XPR1: variants seen among roughly 807,000 people sequenced by gnomAD.
The protein encoded by XPR1 is xenotropic and polytropic retrovirus receptor 1.
A neutral mutation model predicts 87.5 loss-of-function variants in XPR1; 28 were observed. That is an observed-to-expected ratio of 0.32 (90% confidence interval 0.24 to 0.44). The LOEUF is 0.44. Among genes scored for constraint, XPR1 ranks in the 20% least tolerant of loss-of-function variants. XPR1 has a pLI of 1.00. For synonymous variants in XPR1, 300 were observed against 306.1 expected, an observed-to-expected ratio of 0.98 and a Z score of 0.21; for missense variants, 559 against 862.3, an observed-to-expected ratio of 0.65 and a Z score of 4.41.
At position 180,887,322 on chromosome 1, in the gene XPR1, C is replaced by G. The variant is rs780079250; in HGVS notation, c.*3256C>G. 1 of 152,120 alleles carries G rather than the reference C, an allele frequency of 6.6e-6. No individual in the cohort carries two copies. The highest frequency in any genetic ancestry group is 1.5e-5 in the Non-Finnish European group (1 of 68,028). 9.4% of individuals were successfully genotyped at this position (152,120 alleles called of 1,614,324 possible). A position where few individuals can be genotyped will look rare whatever the true frequency, so the allele number is the denominator to read the frequency against. On this transcript the variant is annotated 3_prime_UTR_variant, in exon 15 of 15. Transcript: ENST00000367590. Reference sequence around the variant, plus strand: ...TTTTAATATCAATTAAAATAGTCCTCAAAGGAATGAAGAGGAAGTCTAAAT... The same window carrying G: ...TTTTAATATCAATTAAAATAGTCCTGAAAGGAATGAAGAGGAAGTCTAAAT...
In XPR1 at chr1:180,693,251, G is replaced by A. The variant is rs183746837; in HGVS notation, c.121+10840G>A. 2.6e-5 allele frequency among the ~76,000 whole-genome samples: 4 copies of A among 152,294 alleles called. No individual in the cohort carries two copies. The South Asian group carries it at 6.2e-4, about 24-fold the overall frequency. On this transcript the variant is annotated intron_variant, in intron 2 of 14. Transcript: ENST00000367590. ...CAAAGTAAGGGAAGTTCCTTTTTGAGTTGTTTTCATTTTCTTTAGGCAAGA... is the reference window on the plus strand; with the variant it reads ...CAAAGTAAGGGAAGTTCCTTTTTGAATTGTTTTCATTTTCTTTAGGCAAGA...
At chr1:180,735,851 A>G (rs1332789684) in intron 2 of XPR1, among the ~76,000 whole-genome samples, 1 of 152,060 alleles carries the variant, frequency 6.6e-6, no homozygotes, top group African/African-American at 2.4e-5. Flanking sequence ...CTTTACATGA[A>G]TCTCTTTTAT....
At chr1:180,833,244 G>A (rs906806917) in intron 9 of XPR1, among the ~76,000 whole-genome samples, 2 of 152,158 alleles carry the variant, frequency 1.3e-5, no homozygotes, top group African/African-American at 2.4e-5. Context: ...AAAGACCATC[G>A]ACAATTATGA....
intron 2 of XPR1, among the ~76,000 whole-genome samples, chr1:180,769,753 T>C (rs1397774452): frequency 7.9e-5 from 12 of 152,238 alleles, no homozygotes. Context: ...AGTGCAGATA[T>C]CTCTTCGATA....
intron 11 of XPR1, among the ~76,000 whole-genome samples, chr1:180,837,852 G>A (rs541901136): frequency 5.3e-5 from 8 of 152,104 alleles, no homozygotes; most frequent in African/African-American, 1.9e-4. Flanking sequence ...TTATAAATTG[G>A]GCAACTGATT....
chr1:180,824,979 G>A (rs780356931), intron 8 of XPR1, 36 bp downstream of exon 8: 10 of 1,598,360 alleles, frequency 6.3e-6, no homozygotes, highest in Non-Finnish European at 8.5e-6. Context: ...CATGAATATA[G>A]TTTGCATTAG....
intron 11 of XPR1, among the ~76,000 whole-genome samples, chr1:180,841,059 G>GTGTA (rs958899064): frequency 1.6e-4 from 24 of 152,262 alleles, no homozygotes; most frequent in African/African-American, 5.8e-4. Context: ...GTATTGTTAA[G>GTGTA]TGTACTGTTT....
At chr1:180,735,382 GACA>G (rs750270668) in intron 2 of XPR1, among the ~76,000 whole-genome samples, 23 of 152,156 alleles carry the variant, frequency 1.5e-4, no homozygotes, top group African/African-American at 3.4e-4. Context: ...AACAAAAACA[GACA>G]ACATCTGTTA....
chr1:180,748,067 A>G (rs1039039814), intron 2 of XPR1, among the ~76,000 whole-genome samples: 6 of 152,230 alleles, frequency 3.9e-5, no homozygotes, highest in African/African-American at 1.2e-4. Flanking sequence ...GGTAGGTACC[A>G]TACACATTTA....
intron 1 of XPR1, among the ~76,000 whole-genome samples, chr1:180,657,391 C>A (rs1190964957): frequency 6.6e-6 from 1 of 152,084 alleles, no homozygotes; most frequent in Non-Finnish European, 1.5e-5. Flanking sequence ...AGACTTTCCT[C>A]AGTGTTTTCT....
chr1:180,770,741 A>T (rs1571821203), intron 2 of XPR1, among the ~76,000 whole-genome samples: 1 of 152,164 alleles, frequency 6.6e-6, no homozygotes, highest in Non-Finnish European at 1.5e-5. Flanking sequence ...CCTGCTTACT[A>T]TCTTTTAAAG....
At chr1:180,654,071 C>T (rs1370839155) in intron 1 of XPR1, among the ~76,000 whole-genome samples, 1 of 152,070 alleles carries the variant, frequency 6.6e-6, no homozygotes, top group East Asian at 1.9e-4. Context: ...AATTGTTTAC[C>T]TCAAAGAATT....
chr1:180,646,706 G>A (rs1655131359), intron 1 of XPR1, among the ~76,000 whole-genome samples: 1 of 152,076 alleles, frequency 6.6e-6, no homozygotes, highest in Non-Finnish European at 1.5e-5. Context: ...TTTGGCTAGG[G>A]TTAGCTTGTG....
At chr1:180,841,596 A>G (rs1651518109) in intron 11 of XPR1, among the ~76,000 whole-genome samples, 1 of 152,152 alleles carries the variant, frequency 6.6e-6, no homozygotes, top group African/African-American at 2.4e-5. Flanking sequence ...TTAAAGAGAA[A>G]CCCTTAATGA....
intron 3 of XPR1, among the ~76,000 whole-genome samples, chr1:180,791,637 TTA>T (rs1230492508): frequency 2.6e-5 from 4 of 152,212 alleles, no homozygotes; most frequent in Admixed American, 2.6e-4. Context: ...AATGTTTGTT[TTA>T]TATATGTTTG....
At chr1:180,697,640 T>A (rs1383347570) in intron 2 of XPR1, among the ~76,000 whole-genome samples, 1 of 152,142 alleles carries the variant, frequency 6.6e-6, no homozygotes, top group Non-Finnish European at 1.5e-5. Flanking sequence ...TTTGGGTATG[T>A]TGTGGTTCTA....
chr1:180,740,593 T>G (rs1284767305), intron 2 of XPR1, among the ~76,000 whole-genome samples: 1 of 152,206 alleles, frequency 6.6e-6, no homozygotes, highest in Admixed American at 6.5e-5. Flanking sequence ...TACATCTCTT[T>G]ATAAGGGATA....
intron 2 of XPR1, among the ~76,000 whole-genome samples, chr1:180,732,840 C>T (rs550080932): frequency 5.3e-5 from 8 of 152,292 alleles, no homozygotes; most frequent in South Asian, 2.1e-4. Flanking sequence ...CAGGAAGAAT[C>T]GGATCACACT....
intron 1 of XPR1, among the ~76,000 whole-genome samples, chr1:180,642,280 C>G (rs1654985725): frequency 6.6e-6 from 1 of 152,138 alleles, no homozygotes; most frequent in African/African-American, 2.4e-5. Flanking sequence ...GCACAGGTTA[C>G]ATGTGTTGCC....
Sources: gnomAD v4.1 joint callset for allele counts (sites outside exome capture counted in the v4.1 genomes callset) on GRCh38, gnomAD v4.1.1 for gene constraint, MANE v1.5 for transcripts, NCBI Gene and HGNC (gene_info 2026-07-23, HGNC 2026-07-21) for gene names.